The following ACVR1B variants were observed in gnomAD, a reference collection of about 807,000 sequenced individuals.
The protein encoded by ACVR1B is activin receptor type-1B.
A neutral mutation model predicts 55.6 loss-of-function variants in ACVR1B; 15 were observed. The ratio of observed to expected loss-of-function variants is 0.27; its 90% confidence interval spans 0.18 to 0.42. The LOEUF (loss-of-function observed/expected upper bound fraction) is 0.42. Ranked by LOEUF, ACVR1B falls within the 10% of genes least tolerant of loss-of-function variation. ACVR1B has a pLI of 1.00. For missense variants in ACVR1B, 359 were observed against 670.1 expected, an observed-to-expected ratio of 0.54 and a Z score of 5.13; for synonymous variants, 247 against 254.6, an observed-to-expected ratio of 0.97 and a Z score of 0.28.
chr12:51,990,110 A>G (rs1942160966), intron 7 of ACVR1B, among the ~76,000 whole-genome samples: 2 of 151,892 alleles, frequency 1.3e-5, no homozygotes, highest in Admixed American at 6.6e-5. Context: ...CTTGGCCAAC[A>G]TGGTGAAACC....
At chr12:51,992,097 T>A in intron 8 of ACVR1B, 104 bp downstream of exon 8, 1 of 1,450,002 alleles carries the variant, frequency 6.9e-7, no homozygotes, top group East Asian at 2.3e-5. Context: ...CCCCTGAGAG[T>A]GTCAGTTATT....
chr12:51,960,925 C>T (rs950979888), intron 1 of ACVR1B, among the ~76,000 whole-genome samples: 1 of 152,244 alleles, frequency 6.6e-6, no homozygotes, highest in African/African-American at 2.4e-5. Context: ...CTCCCTGACT[C>T]TTCTTGCCTT....
At chr12:51,963,972 T>C (rs780235042) in intron 1 of ACVR1B, among the ~76,000 whole-genome samples, 7 of 152,254 alleles carry the variant, frequency 4.6e-5, no homozygotes, top group Non-Finnish European at 8.8e-5. Flanking sequence ...TTCATATTGT[T>C]ATGGCCTTCC....
chr12:51,976,539 C>G lies in ACVR1B; in HGVS notation c.544C>G (p.Leu182Val). The change falls in exon 3 of 9, where the codon CTT (leucine) becomes GTT (valine). Residue 182 changes from leucine to valine, a missense_variant. Physicochemically the swap from Leu to Val is conservative, Grantham distance 32. This residue lies in a region of ACVR1B where 133 missense variants were observed against 188.2 expected (regional missense o/e 0.71). Coordinates refer to ENST00000257963, the MANE Select transcript of ACVR1B (RefSeq NM_004302.5). ...CLSKDKTLQDLVYDLSTSGSG... is the reference protein window; with the variant it reads ...CLSKDKTLQDVVYDLSTSGSG... ...CTCCAAAGACAAGACGCTCCAGGAT[C>G]TTGTCTACGATCTCTCCACCTCAGG... The G allele has an allele frequency of 1.2e-6, 2 of 1,613,892 alleles. No homozygotes were observed. Among genetic ancestry groups the G allele is most frequent in the South Asian group, 2.2e-5 (2 of 91,070 alleles).
At chr12:51,955,313 T>G (rs1941387159) in intron 1 of ACVR1B, among the ~76,000 whole-genome samples, 2 of 152,232 alleles carry the variant, frequency 1.3e-5, no homozygotes, top group African/African-American at 4.8e-5. Flanking sequence ...GTCTTTCAGG[T>G]GGACTGCTGT....
chr12:51,987,258 T>C (rs1483768977), intron 7 of ACVR1B: 2 of 619,802 alleles, frequency 3.2e-6, no homozygotes, highest in South Asian at 2.0e-5. Flanking sequence ...ACGGGATTCA[T>C]GCAGTGGTCT....
chr12:51,992,187 T>C, intron 8 of ACVR1B, 194 bp downstream of exon 8: 1 of 690,956 alleles, frequency 1.4e-6, no homozygotes, highest in Non-Finnish European at 2.4e-6. Context: ...TAGGGTGCCA[T>C]TTGGAGTTCA....
At chr12:51,986,728 C>G in intron 6 of ACVR1B, 90 bp from the exon 7 acceptor site, 1 of 1,507,104 alleles carries the variant, frequency 6.6e-7, no homozygotes, top group Non-Finnish European at 8.9e-7. Flanking sequence ...GATACTCTTC[C>G]ACATTCAGAG....
At chr12:51,980,629 G>A (rs1252647488) in intron 3 of ACVR1B, among the ~76,000 whole-genome samples, 2 of 152,182 alleles carry the variant, frequency 1.3e-5, no homozygotes. Context: ...TGGGTGGATC[G>A]GCCCACAGGT....
chr12:51,962,528 C>T (rs1941553258), intron 1 of ACVR1B, among the ~76,000 whole-genome samples: 1 of 151,466 alleles, frequency 6.6e-6, no homozygotes, highest in African/African-American at 2.4e-5. Flanking sequence ...TTCTTTTAAC[C>T]AAATAGCATG....
intron 4 of ACVR1B, among the ~76,000 whole-genome samples, chr12:51,982,168 C>T (rs761173902): frequency 6.6e-6 from 1 of 152,130 alleles, no homozygotes; most frequent in Non-Finnish European, 1.5e-5. Flanking sequence ...CACCTGAGCC[C>T]AGTTGAGACA....
Position 51,986,892 on chromosome 12 carries a change from A to T in ACVR1B, c.1211A>T (p.Tyr404Phe), listed in dbSNP as rs1942089480. Residue 404 changes from tyrosine to phenylalanine, a missense_variant, in exon 7 of 9, where the codon TAT becomes TTT. Coordinates refer to ENST00000257963, the MANE Select transcript of ACVR1B (RefSeq NM_004302.5). ...HFDSFKCADIYALGLVYWEIA... is the reference protein window; with the variant it reads ...HFDSFKCADIFALGLVYWEIA... ...GACTCCTTTAAATGTGCTGATATTT[A>T]TGCCCTCGGGCTTGTATATTGGGAG... 2 of 1,614,132 alleles carry T rather than the reference A, an allele frequency of 1.2e-6. No homozygotes were observed. The highest frequency in any genetic ancestry group is 8.5e-7 in the Non-Finnish European group (1 of 1,180,064).
In ACVR1B at chr12:51,975,319, A is replaced by G. The variant is rs1941826845; in HGVS notation, c.146A>G (p.Asp49Gly). 2 of 1,614,092 alleles carry G rather than the reference A, an allele frequency of 1.2e-6. No individual in the cohort carries two copies. Among genetic ancestry groups the G allele is most frequent in the Non-Finnish European group, 1.7e-6 (2 of 1,180,044 alleles). ...CAGGCCAACTACACGTGTGAGACAG[A>G]TGGGGCCTGCATGGTTTCCATTTTC... is the stretch of plus-strand genomic sequence containing the variant. Reference protein sequence around the residue: ...CLQANYTCETDGACMVSIFNL... With the variant: ...CLQANYTCETGGACMVSIFNL... The change falls in exon 2 of 9, where the codon GAT becomes GGT. Residue 49 changes from aspartate to glycine, a missense_variant. Physicochemically the swap from Asp to Gly is moderately conservative, Grantham distance 94. Transcript: ENST00000257963.
chr12:51,954,345 C>T (rs1354821472), intron 1 of ACVR1B, among the ~76,000 whole-genome samples: 1 of 152,200 alleles, frequency 6.6e-6, no homozygotes, highest in Non-Finnish European at 1.5e-5. Context: ...GGAATTTTCA[C>T]ATTTAAAAAT....
chr12:51,968,696 T>C (rs1941689465), intron 1 of ACVR1B, among the ~76,000 whole-genome samples: 1 of 152,222 alleles, frequency 6.6e-6, no homozygotes, highest in Non-Finnish European at 1.5e-5. Context: ...CCTTTTGGGT[T>C]CTTGCTCTGG....
At chr12:51,976,133 C>G (rs1050243638) in intron 2 of ACVR1B, among the ~76,000 whole-genome samples, 194 bp from the exon 3 acceptor site, 11 of 150,700 alleles carry the variant, frequency 7.3e-5, no homozygotes, top group Admixed American at 6.0e-4. Flanking sequence ...AAAGAGGTGC[C>G]TTAACTAAAG....
chr12:51,952,823 C>A (rs1941332131), intron 1 of ACVR1B, among the ~76,000 whole-genome samples: 1 of 149,000 alleles, frequency 6.7e-6, no homozygotes, highest in Admixed American at 6.7e-5. Context: ...CCCGCCCACC[C>A]TCACACACCC....
chr12:51,966,806 ACT>A, intron 1 of ACVR1B, among the ~76,000 whole-genome samples: 1 of 152,322 alleles, frequency 6.6e-6, no homozygotes, highest in Admixed American at 6.5e-5. Context: ...ATTTTTGAAC[ACT>A]GACTGGATAT....
chr12:51,980,943 G>A, intron 3 of ACVR1B, 26 bp from the exon 4 acceptor site: 1 of 1,560,690 alleles, frequency 6.4e-7, no homozygotes, highest in Non-Finnish European at 8.7e-7. Flanking sequence ...GCAATGTCAG[G>A]TTTCTTCCTA....
Sources: gnomAD v4.1 joint callset for allele counts (sites outside exome capture counted in the v4.1 genomes callset) on GRCh38, gnomAD v4.1.1 for gene constraint, gnomAD v4.1.1 regional missense constraint, MANE v1.5 for transcripts, NCBI Gene and HGNC (gene_info 2026-07-23, HGNC 2026-07-21) for gene names.